Variants in CNTN2 observed in about 807,000 individuals in gnomAD.
CNTN2 encodes the protein contactin-2.
In CNTN2, 53 loss-of-function variants were observed where a neutral mutation model predicts 117.5. The ratio of observed to expected loss-of-function variants is 0.45; its 90% confidence interval spans 0.36 to 0.57. The LOEUF is 0.57. Ranked by LOEUF, CNTN2 falls within the 20% of genes least tolerant of loss-of-function variation. The probability of loss-of-function intolerance (pLI) is 0.00; values close to 1 mark genes in which losing one functional copy is unlikely to be tolerated. For synonymous variants in CNTN2, 530 were observed against 561.7 expected (o/e 0.94, Z 0.80); for missense variants, 1,106 against 1,404.3 (o/e 0.79, Z 3.39).
At chr1:205,070,229 T>TCC in intron 18 of CNTN2, 168 bp downstream of exon 18, 1 of 765,442 alleles carries the variant, frequency 1.3e-6, no homozygotes, top group Non-Finnish European at 2.1e-6. Context: ...CTACCTTGTC[T>TCC]CCCTTCGGGG....
intron 2 of CNTN2, among the ~76,000 whole-genome samples, chr1:205,053,976 G>A (rs1180284810): frequency 6.6e-6 from 1 of 152,172 alleles, no homozygotes; most frequent in Non-Finnish European, 1.5e-5. Flanking sequence ...GGGTGAAGAG[G>A]GCAGGCCGAG....
chr1:205,073,323 C>A lies in CNTN2; in HGVS notation c.3013+87C>A. 1 of 1,469,186 alleles carries A rather than the reference C, an allele frequency of 6.8e-7. No individual in the cohort carries two copies. The highest frequency in any genetic ancestry group is 9.3e-7 in the Non-Finnish European group (1 of 1,074,882). The allele number at this position is 1,469,186 out of a possible 1,614,324, so 91.0% of individuals were successfully genotyped here. The stretch of plus-strand genomic sequence containing the variant: ...AGGATCATTCCCACCCAGGCCAACT[C>A]CAATCTCTACCCGCAAAGGAAAGTG... On this transcript the variant is annotated intron_variant, in intron 22 of 22. Coordinates refer to ENST00000331830, the MANE Select transcript of CNTN2 (RefSeq NM_005076.5). This position sits in a 1 kb window ranked among gnomAD's most constrained non-coding sequence, Gnocchi z 6.3.
intron 9 of CNTN2, 131 bp from the exon 10 acceptor site, chr1:205,062,309 G>A: frequency 7.7e-7 from 1 of 1,296,294 alleles, no homozygotes; most frequent in Non-Finnish European, 1.1e-6. Context: ...CCTGAGGTAG[G>A]ACTGGACATA....
chr1:205,063,929 T>G (rs900037326), intron 10 of CNTN2, among the ~76,000 whole-genome samples: 12 of 151,776 alleles, frequency 7.9e-5, no homozygotes, highest in Non-Finnish European at 1.3e-4. Flanking sequence ...GCTAGGTGAT[T>G]GGAACATAAT....
intron 9 of CNTN2, 178 bp downstream of exon 9, chr1:205,062,179 C>A: frequency 1.1e-6 from 1 of 888,852 alleles, no homozygotes; most frequent in Non-Finnish European, 1.7e-6. Flanking sequence ...TTGTCACAGG[C>A]TAGGCCTGGA....
intron 20 of CNTN2, 83 bp downstream of exon 20, chr1:205,072,216 G>A (rs1654631489): frequency 7.4e-7 from 1 of 1,359,644 alleles, no homozygotes; most frequent in Non-Finnish European, 1.0e-6. Context: ...CCAATGATAA[G>A]ACAAATGCTC....
rs1254495551 is a variant in CNTN2 at position 205,076,903 on chromosome 1, CTT to C, written c.*3142_*3143del. On this transcript the variant is annotated 3_prime_UTR_variant, in exon 23 of 23. Transcript: ENST00000331830. Reference sequence around the variant, plus strand: ...AGGCCATGGGGGTAGGTGGGGGTGTCTTTTTCTTTTCATAAAGTAACAACAGA... The same window carrying C: ...AGGCCATGGGGGTAGGTGGGGGTGTCTTTCTTTTCATAAAGTAACAACAGA... 1 of 152,280 alleles carries C rather than the reference CTT, an allele frequency of 6.6e-6. No homozygotes were observed. The highest frequency in any genetic ancestry group is 1.9e-4 in the East Asian group (1 of 5,174). 9.4% of individuals were successfully genotyped at this position (152,280 alleles called of 1,614,324 possible).
rs1171662666 is a variant in CNTN2 at position 205,073,255 on chromosome 1, C to T, written c.3013+19C>T. 1 of 1,612,020 alleles carries T rather than the reference C, an allele frequency of 6.2e-7. No homozygotes were observed. Among genetic ancestry groups the T allele is most frequent in the African/African-American group, 1.3e-5 (1 of 74,846 alleles). ...AATGGAGGTGCTGCTCCTCCCCTAC[C>T]CTTATCCCCTCGAGAGATTCAGGAT... is the stretch of plus-strand genomic sequence containing the variant. On this transcript the variant is annotated intron_variant, in intron 22 of 22. Coordinates refer to ENST00000331830, the MANE Select transcript of CNTN2 (RefSeq NM_005076.5). This position sits in a 1 kb window ranked among gnomAD's most constrained non-coding sequence, Gnocchi z 6.3.
At position 205,059,529 on chromosome 1, in the gene CNTN2, G is replaced by A; in HGVS notation, c.698-54G>A. 1 of 1,519,190 alleles carries A rather than the reference G, an allele frequency of 6.6e-7. No individual in the cohort carries two copies. Among genetic ancestry groups the A allele is most frequent in the Non-Finnish European group, 9.1e-7 (1 of 1,093,758 alleles). The allele number at this position is 1,519,190 out of a possible 1,614,324, so 94.1% of individuals were successfully genotyped here. A position where few individuals can be genotyped will look rare whatever the true frequency, so the allele number is the denominator to read the frequency against. On this transcript the variant is annotated intron_variant, in intron 6 of 22. Coordinates refer to ENST00000331830, the MANE Select transcript of CNTN2 (RefSeq NM_005076.5). This position sits in a 1 kb window ranked among gnomAD's most constrained non-coding sequence, Gnocchi z 5.6. ...AAAGGTGCTGAGATCCCATGCACGGGAGCACCTGACCTGGAGTCATCTGCA... is the reference window on the plus strand; with the variant it reads ...AAAGGTGCTGAGATCCCATGCACGGAAGCACCTGACCTGGAGTCATCTGCA...
intron 1 of CNTN2, among the ~76,000 whole-genome samples, chr1:205,051,230 GGGCA>G (rs2096452204): frequency 6.6e-6 from 1 of 152,210 alleles, no homozygotes; most frequent in Non-Finnish European, 1.5e-5. Context: ...TCTCTCCCCT[GGGCA>G]GCTCAGAACC....
intron 9 of CNTN2, 194 bp from the exon 10 acceptor site, chr1:205,062,246 C>T: frequency 1.1e-6 from 1 of 872,250 alleles, no homozygotes; most frequent in Non-Finnish European, 1.7e-6. Flanking sequence ...GTCACCTCAC[C>T]CTTCCAGCTT....
Position 205,058,780 on chromosome 1 carries a change from C to T in CNTN2, c.487+117C>T. The T allele has an allele frequency of 1.3e-6, 1 of 747,350 alleles. No individual in the cohort carries two copies. The highest frequency in any genetic ancestry group is 2.2e-6 in the Non-Finnish European group (1 of 459,638). The allele number at this position is 747,350 out of a possible 1,614,324, so 46.3% of individuals were successfully genotyped here. A position where few individuals can be genotyped will look rare whatever the true frequency, so the allele number is the denominator to read the frequency against. ...GGAAATGACCCTTAGAAGCACCCATCCCTGGGACCCTAACTTTAAATGATC... is the reference window on the plus strand; with the variant it reads ...GGAAATGACCCTTAGAAGCACCCATTCCTGGGACCCTAACTTTAAATGATC... On this transcript the variant is annotated intron_variant, in intron 5 of 22. Coordinates refer to ENST00000331830, the MANE Select transcript of CNTN2 (RefSeq NM_005076.5). This position sits in a 1 kb window ranked among gnomAD's most constrained non-coding sequence, Gnocchi z 4.3.
intron 16 of CNTN2, chr1:205,067,547 G>C (rs1654358112): frequency 7.2e-6 from 2 of 278,474 alleles, no homozygotes; most frequent in Admixed American, 4.8e-5. Context: ...GAGAAAGGAA[G>C]AGTCACATTG....
intron 1 of CNTN2, among the ~76,000 whole-genome samples, chr1:205,051,332 G>A (rs1379909387): frequency 6.6e-6 from 1 of 152,192 alleles, no homozygotes; most frequent in Non-Finnish European, 1.5e-5. Context: ...CGTAGACAGG[G>A]GCATCTTAGG....
Position 205,061,477 on chromosome 1 carries a change from C to T in CNTN2, c.973+57C>T. ...CCCGACCCCCCTTCCCGCCTTCACC[C>T]TTGTCCCCAAGGAAACAGACCCAAA... On this transcript the variant is annotated intron_variant, in intron 8 of 22. Coordinates refer to ENST00000331830, the MANE Select transcript of CNTN2 (RefSeq NM_005076.5). The surrounding 1 kb of genome is among the most constrained non-coding windows in gnomAD (Gnocchi z 4.8). 1 of 1,491,470 alleles carries T rather than the reference C, an allele frequency of 6.7e-7. No individual in the cohort carries two copies. The highest frequency in any genetic ancestry group is 9.0e-7 in the Non-Finnish European group (1 of 1,116,002). 92.4% of individuals were successfully genotyped at this position (1,491,470 alleles called of 1,614,324 possible). A position where few individuals can be genotyped will look rare whatever the true frequency, so the allele number is the denominator to read the frequency against.
At chr1:205,055,740 G>A (rs1051930962) in intron 2 of CNTN2, among the ~76,000 whole-genome samples, 9 of 152,144 alleles carry the variant, frequency 5.9e-5, no homozygotes, top group Non-Finnish European at 1.2e-4. Context: ...GCTCCTTCTC[G>A]CTGTGGGATC....
intron 10 of CNTN2, among the ~76,000 whole-genome samples, chr1:205,063,764 C>T (rs958988969): frequency 2.0e-5 from 3 of 151,992 alleles, no homozygotes; most frequent in African/African-American, 7.3e-5. Context: ...GAAGTCCTCT[C>T]TGAGGAAGTC....
intron 1 of CNTN2, among the ~76,000 whole-genome samples, chr1:205,049,865 G>A (rs1205254342): frequency 6.6e-6 from 1 of 152,188 alleles, no homozygotes; most frequent in Admixed American, 6.5e-5. Context: ...TACAAGTGGA[G>A]CTGCTCTGGC....
rs147959488 is a variant in CNTN2 at position 205,045,844 on chromosome 1, G to A, written c.-87+2450G>A. On this transcript the variant is annotated intron_variant, in intron 1 of 22. Transcript: ENST00000331830. Reference sequence around the variant, plus strand: ...CTCCTTTCAGATGACTCTAAGGATGGTGTGGAGAACTGGGGTCTGGTCCAA... The same window carrying A: ...CTCCTTTCAGATGACTCTAAGGATGATGTGGAGAACTGGGGTCTGGTCCAA... 1.4e-3 allele frequency among the ~76,000 whole-genome samples: 216 copies of A among 152,308 alleles called. 1 individual carries two copies. Among genetic ancestry groups the A allele is most frequent in the African/African-American group, 4.4e-3 (184 of 41,556 alleles).
Sources: allele counts gnomAD v4.1 joint callset (sites outside exome capture counted in the v4.1 genomes callset), GRCh38; gene constraint gnomAD v4.1.1; non-coding constraint Gnocchi (gnomAD v3.1); transcripts MANE v1.5; gene names NCBI Gene and HGNC (gene_info 2026-07-23, HGNC 2026-07-21).